Variants in GAS7 observed in about 807,000 individuals in gnomAD.
GAS7 encodes the protein growth arrest specific 7.
A neutral mutation model predicts 71.1 loss-of-function variants in GAS7; 28 were observed. That is an observed-to-expected ratio of 0.39 (90% CI 0.29 to 0.54). The LOEUF (loss-of-function observed/expected upper bound fraction) is 0.54. Among genes scored for constraint, GAS7 ranks in the 20% least tolerant of loss-of-function variants. GAS7 has a pLI of 0.62. For missense variants in GAS7, 436 were observed against 627.8 expected, an observed-to-expected ratio of 0.69 and a Z score of 3.27; for synonymous variants, 258 against 245.8, an observed-to-expected ratio of 1.05 and a Z score of -0.46.
intron 1 of GAS7, among the ~76,000 whole-genome samples, chr17:10,106,966 AAGAG>A (rs1459407270): frequency 6.6e-6 from 1 of 152,138 alleles, no homozygotes; most frequent in East Asian, 1.9e-4. Context: ...TCAAAGAAGA[AAGAG>A]GCTGATGCCA....
intron 2 of GAS7, among the ~76,000 whole-genome samples, chr17:9,996,620 C>T (rs1433252711): frequency 1.3e-5 from 2 of 149,598 alleles, no homozygotes; most frequent in African/African-American, 2.5e-5. Flanking sequence ...TATATATACA[C>T]ACATATATAT....
In GAS7 at chr17:9,981,755, G is replaced by A. The variant is rs1190606100; in HGVS notation, c.385+49C>T. 3 of 998,658 alleles carry A rather than the reference G, an allele frequency of 3.0e-6. No individual in the cohort carries two copies. The highest frequency in any genetic ancestry group is 4.8e-6 in the Non-Finnish European group (3 of 619,738). The allele number at this position is 998,658 out of a possible 1,614,324, so 61.9% of individuals were successfully genotyped here. A position where few individuals can be genotyped will look rare whatever the true frequency, so the allele number is the denominator to read the frequency against. Reference sequence around the variant, plus strand: ...CATCATCTCAGCCTCTCCACTGAATGTGGCATCAGGGCCCTCCCAGTTGCC... The same window carrying A: ...CATCATCTCAGCCTCTCCACTGAATATGGCATCAGGGCCCTCCCAGTTGCC... On this transcript the variant is annotated intron_variant, in intron 3 of 13. Transcript: ENST00000432992. The surrounding 1 kb of genome is among the most constrained non-coding windows in gnomAD (Gnocchi z 4.4).
At chr17:10,136,168 G>A (rs1052928911) in intron 1 of GAS7, among the ~76,000 whole-genome samples, 10 of 152,178 alleles carry the variant, frequency 6.6e-5, no homozygotes, top group Admixed American at 2.6e-4. Flanking sequence ...TAACTGTGTG[G>A]CATGAGGCCA....
intron 4 of GAS7, among the ~76,000 whole-genome samples, chr17:9,965,222 C>T (rs1386983877): frequency 6.6e-6 from 1 of 152,174 alleles, no homozygotes; most frequent in Non-Finnish European, 1.5e-5. Flanking sequence ...CACATGCACA[C>T]GTGTTTATTG....
chr17:10,148,323 G>C (rs914224512), intron 1 of GAS7, among the ~76,000 whole-genome samples: 2 of 151,886 alleles, frequency 1.3e-5, no homozygotes, highest in African/African-American at 4.8e-5. Context: ...TCCTCTCTCA[G>C]TTAAGAGCCA....
At chr17:10,011,672 A>G (rs1470617230) in intron 2 of GAS7, among the ~76,000 whole-genome samples, 3 of 152,112 alleles carry the variant, frequency 2.0e-5, no homozygotes, top group Non-Finnish European at 4.4e-5. Context: ...AGTGGGGGAG[A>G]AAGGGTTAAG....
intron 1 of GAS7, among the ~76,000 whole-genome samples, chr17:10,075,598 C>T (rs759428385): frequency 1.1e-4 from 17 of 151,918 alleles, no homozygotes; most frequent in African/African-American, 1.7e-4. Context: ...AGTTCAATAC[C>T]AGCCTGGGCA....
At chr17:10,176,789 C>A (rs972260962) in intron 1 of GAS7, among the ~76,000 whole-genome samples, 4 of 152,062 alleles carry the variant, frequency 2.6e-5, no homozygotes, top group African/African-American at 9.7e-5. Flanking sequence ...GAGCCAGTGG[C>A]CTTCCCTTAA....
intron 6 of GAS7, among the ~76,000 whole-genome samples, chr17:9,943,542 C>T (rs1343167582): frequency 6.6e-6 from 1 of 152,220 alleles, no homozygotes. Context: ...TGATGCCTAA[C>T]GGCCTACGAC....
rs891788474 is a variant in GAS7, at chr17:9,969,529, C to G, written c.471+148G>C. On this transcript the variant is annotated intron_variant, in intron 4 of 13. Coordinates refer to ENST00000432992, the MANE Select transcript of GAS7 (RefSeq NM_201433.2). The surrounding 1 kb of genome is among the most constrained non-coding windows in gnomAD (Gnocchi z 5.5). The stretch of plus-strand genomic sequence containing the variant: ...CCAACCCTCTCCCCATCAGGGAACA[C>G]TGAAACAACCCAGACACAGCAACCA... 3.3e-6 allele frequency: 2 copies of G among 598,756 alleles called. No homozygotes were observed. The highest frequency in any genetic ancestry group is 3.7e-5 in the African/African-American group (2 of 53,732). 37.1% of individuals were successfully genotyped at this position (598,756 alleles called of 1,614,324 possible). A position where few individuals can be genotyped will look rare whatever the true frequency, so the allele number is the denominator to read the frequency against.
intron 1 of GAS7, among the ~76,000 whole-genome samples, chr17:10,181,170 G>A (rs1050818271): frequency 4.1e-5 from 6 of 147,260 alleles, no homozygotes; most frequent in South Asian, 2.3e-4. Flanking sequence ...GACCATCCTG[G>A]CTAACACAGT....
Position 10,181,091 on chromosome 17 carries a change from G to A in GAS7, c.183+17117C>T, listed in dbSNP as rs1303348717. On this transcript the variant is annotated intron_variant, in intron 1 of 13. Transcript: ENST00000432992. ...GTGCGGGGGTGGCGGTGGGGGCACG[G>A]TGGCTCACGCCTGTAATCCCAGCAC... is the stretch of plus-strand genomic sequence containing the variant. 1.1e-4 allele frequency among the ~76,000 whole-genome samples: 17 copies of A among 149,622 alleles called. No individual in the cohort carries two copies. In the East Asian group the frequency reaches 1.8e-3, roughly 16 times the overall value.
At chr17:10,128,774 C>T (rs1181268525) in intron 1 of GAS7, among the ~76,000 whole-genome samples, 3 of 151,914 alleles carry the variant, frequency 2.0e-5, no homozygotes, top group East Asian at 1.9e-4. Flanking sequence ...CGCCCACCAC[C>T]GCGCCCAGCT....
intron 2 of GAS7, among the ~76,000 whole-genome samples, chr17:9,987,090 G>A (rs1452963714): frequency 3.3e-5 from 5 of 152,316 alleles, no homozygotes; most frequent in East Asian, 1.9e-4. Flanking sequence ...GACTGAAGCG[G>A]CAGCTCCAGG....
At chr17:10,193,187 A>G (rs1299597936) in intron 1 of GAS7, among the ~76,000 whole-genome samples, 1 of 149,778 alleles carries the variant, frequency 6.7e-6, no homozygotes, top group East Asian at 2.0e-4. Context: ...ACAGGCCCAG[A>G]GCCAGGCAAA....
chr17:10,130,132 G>C (rs372504704), intron 1 of GAS7, among the ~76,000 whole-genome samples: 48 of 150,316 alleles, frequency 3.2e-4, no homozygotes, highest in Middle Eastern at 6.8e-3. Flanking sequence ...TCGTGCTGCT[G>C]CACTCCAGCC....
At chr17:10,062,945 C>T (rs180746765) in intron 1 of GAS7, among the ~76,000 whole-genome samples, 56 of 152,358 alleles carry the variant, frequency 3.7e-4, no homozygotes, top group African/African-American at 1.3e-3. Flanking sequence ...CTTGGGGCAG[C>T]CCAGGGGAAG....
intron 1 of GAS7, among the ~76,000 whole-genome samples, chr17:10,067,869 T>C (rs1444492013): frequency 6.6e-6 from 1 of 152,164 alleles, no homozygotes; most frequent in Non-Finnish European, 1.5e-5. Flanking sequence ...CATAACTGAA[T>C]CAGGTCCTTC....
intron 1 of GAS7, among the ~76,000 whole-genome samples, chr17:10,021,925 G>C (rs1047251327): frequency 1.3e-5 from 2 of 152,166 alleles, no homozygotes; most frequent in African/African-American, 4.8e-5. Context: ...AATAGGATTA[G>C]AAATAAAGTC....
Sources: gnomAD v4.1 joint callset for allele counts (sites outside exome capture counted in the v4.1 genomes callset) on GRCh38, gnomAD v4.1.1 for gene constraint, Gnocchi (gnomAD v3.1) non-coding constraint, MANE v1.5 for transcripts, NCBI Gene and HGNC (gene_info 2026-07-23, HGNC 2026-07-21) for gene names.